The following DCP1B variants were observed in gnomAD, a reference collection of about 807,000 sequenced individuals.
DCP1B encodes mRNA-decapping enzyme 1B.
Under a neutral mutation model 60.5 loss-of-function variants are expected in DCP1B, and 47 were observed. The observed-to-expected ratio is 0.78, with a 90% CI of 0.61 to 0.99. The LOEUF (loss-of-function observed/expected upper bound fraction) is 0.99, where lower values mean the gene tolerates loss of function less well. DCP1B is among the 50% of genes least tolerant of loss of function. The pLI is 0.00. For missense variants in DCP1B, 725 were observed against 756.8 expected, an observed-to-expected ratio of 0.96 and a Z score of 0.49; for synonymous variants, 267 against 280.3, an observed-to-expected ratio of 0.95 and a Z score of 0.47.
In DCP1B at chr12:1,948,286, C is replaced by T. The variant is rs191285754; in HGVS notation, c.1773+800G>A. Among the ~76,000 whole-genome samples, 199 of 152,264 alleles carry T rather than the reference C, an allele frequency of 1.3e-3. 1 individual carries two copies. The highest frequency in any genetic ancestry group is 4.6e-3 in the African/African-American group (193 of 41,552). ...ACATTCATGTGGTGAACGTGGCCCACGGGAGAGTACGTGGGAAGTGGCACT... is the reference window on the plus strand; with the variant it reads ...ACATTCATGTGGTGAACGTGGCCCATGGGAGAGTACGTGGGAAGTGGCACT... On this transcript the variant is annotated intron_variant, in intron 8 of 8. Transcript: ENST00000280665. This position sits in a 1 kb window ranked among gnomAD's most constrained non-coding sequence, Gnocchi z 4.8.
In DCP1B at chr12:1,952,566, A is replaced by G; in HGVS notation, c.1374T>C (p.Ile458=). 6.2e-7 allele frequency: 1 copy of G among 1,614,132 alleles called. No homozygotes were observed. The highest frequency in any genetic ancestry group is 8.5e-7 in the Non-Finnish European group (1 of 1,180,024). The change falls in exon 7 of 9, where the codon ATT becomes ATC. Residue 458 remains isoleucine, a synonymous_variant. Transcript: ENST00000280665. ...CATGCAGCTGCTGCTCCTGCTGTAC[A>G]ATCTGAAGCTTCTTCAGTAACTCTT... The part of the protein sequence containing the change: ...SPQELLKKLQ[I]VQQEQQLHAS...
At chr12:1,964,430 A>C (rs2031227136) in intron 5 of DCP1B, among the ~76,000 whole-genome samples, 1 of 151,992 alleles carries the variant, frequency 6.6e-6, no homozygotes. Flanking sequence ...ACCTTGTAAA[A>C]TGTTTTTTAT....
At chr12:1,950,714 A>G (rs1204315385) in intron 7 of DCP1B, among the ~76,000 whole-genome samples, 1 of 152,166 alleles carries the variant, frequency 6.6e-6, no homozygotes. Context: ...TGGTGCAAAC[A>G]TGGCTGACTG....
Position 2,004,202 on chromosome 12 carries a change from G to C in DCP1B, c.150+80C>G, listed in dbSNP as rs1215668813. The C allele has an allele frequency of 3.8e-6, 6 of 1,564,408 alleles. No individual in the cohort carries two copies. In the East Asian group the frequency reaches 7.1e-5, roughly 19 times the overall value. ...GCGTCAACGTCTCCTCCCCCTCACC[G>C]GGTCCTCAAGTCCTGAGTCTGACGC... On this transcript the variant is annotated intron_variant, in intron 1 of 8. Transcript: ENST00000280665.
chr12:1,949,254 G>A lies in DCP1B; in HGVS notation c.1605C>T (p.Ser535=), dbSNP rs777412923. ...MSPMVFAQPT[S]VPPKERESGL... ...CGCTCTCCCTTTCCTTTGGCGGGAC[G>A]GAGGTGGGTTGTGCGAACACCATGG... The change falls in exon 8 of 9, where the codon TCC becomes TCT. Residue 535 remains serine, a synonymous_variant. Coordinates refer to ENST00000280665, the MANE Select transcript of DCP1B (RefSeq NM_152640.5). The A allele has an allele frequency of 8.7e-6, 14 of 1,614,048 alleles. No homozygotes were observed. The highest frequency in any genetic ancestry group is 5.3e-5 in the African/African-American group (4 of 74,922).
intron 8 of DCP1B, among the ~76,000 whole-genome samples, chr12:1,947,578 A>G (rs2030483599): frequency 6.6e-6 from 1 of 152,230 alleles, no homozygotes; most frequent in South Asian, 2.1e-4. Flanking sequence ...TCTCAAGACA[A>G]TGTGAAGGGA....
At chr12:2,004,061 T>G in intron 1 of DCP1B, 1 of 633,352 alleles carries the variant, frequency 1.6e-6, no homozygotes, top group Non-Finnish European at 2.7e-6. Flanking sequence ...ACGTTAGAGA[T>G]TTAAGTCTTT....
At chr12:1,992,254 T>C (rs1201546862) in intron 3 of DCP1B, 2 of 160,124 alleles carry the variant, frequency 1.2e-5, no homozygotes, top group African/African-American at 4.8e-5. Context: ...CTCATAAAAA[T>C]TTATTCTCTA....
chr12:1,952,562 G>C lies in DCP1B; in HGVS notation c.1378C>G (p.Gln460Glu), dbSNP rs1274128087. The C allele has an allele frequency of 6.2e-7, 1 of 1,614,198 alleles. No individual in the cohort carries two copies. Among genetic ancestry groups the C allele is most frequent in the African/African-American group, 1.3e-5 (1 of 75,048 alleles). ...GAGGCATGCAGCTGCTGCTCCTGCT[G>C]TACAATCTGAAGCTTCTTCAGTAAC... ...QELLKKLQIVQQEQQLHASNR... is the reference protein window; with the variant it reads ...QELLKKLQIVEQEQQLHASNR... The change falls in exon 7 of 9, where the codon CAG becomes GAG. Residue 460 changes from glutamine (Q) to glutamate (E), a missense_variant. Transcript: ENST00000280665.
chr12:1,993,421 C>A (rs2039976948), intron 2 of DCP1B, 30 bp from the exon 3 acceptor site: 3 of 1,600,958 alleles, frequency 1.9e-6, no homozygotes, highest in African/African-American at 2.7e-5. Context: ...AGGGGGAAAT[C>A]AATAGACAAA....
At chr12:2,001,025 G>A (rs938976530) in intron 1 of DCP1B, among the ~76,000 whole-genome samples, 4 of 138,792 alleles carry the variant, frequency 2.9e-5, no homozygotes, top group East Asian at 2.1e-4. Context: ...GAACAAGAGC[G>A]AGACTTCGTC....
At chr12:1,992,282 C>T (rs369370561) in intron 3 of DCP1B, 30 of 158,602 alleles carry the variant, frequency 1.9e-4, no homozygotes, top group Middle Eastern at 6.5e-3. Flanking sequence ...GGATAACCAC[C>T]TATTATGACA....
intron 4 of DCP1B, chr12:1,965,948 A>G (rs1392636731): frequency 2.5e-6 from 1 of 401,912 alleles, no homozygotes. Flanking sequence ...AAAGAAAGTC[A>G]CAAACACAGC....
At chr12:1,993,495 A>T (rs1380187199) in intron 2 of DCP1B, 104 bp from the exon 3 acceptor site, 1 of 1,432,046 alleles carries the variant, frequency 7.0e-7, no homozygotes, top group Non-Finnish European at 9.4e-7. Flanking sequence ...CTTTGTTTGT[A>T]TATGCAGCTT....
At position 1,990,540 on chromosome 12, in the gene DCP1B, AT is replaced by A. The variant is rs532736115; in HGVS notation, c.319+2723del. 5.1e-3 allele frequency among the ~76,000 whole-genome samples: 768 copies of A among 150,308 alleles called. 6 individuals carry two copies. Among genetic ancestry groups the A allele is most frequent in the African/African-American group, 0.017 (697 of 41,014 alleles). On this transcript the variant is annotated intron_variant, in intron 3 of 8. Coordinates refer to ENST00000280665, the MANE Select transcript of DCP1B (RefSeq NM_152640.5). ...TACATTCATCCAATTCAAGAAAGGG[AT>A]TTTTTTTTTCTCTCCTAATGAATCT...
chr12:2,004,132 T>G, intron 1 of DCP1B, 150 bp downstream of exon 1: 2 of 977,026 alleles, frequency 2.0e-6, no homozygotes, highest in Non-Finnish European at 1.5e-6. Flanking sequence ...CGAGACCCCA[T>G]CTCCACAACT....
At chr12:1,964,110 A>G (rs1176689520) in intron 5 of DCP1B, among the ~76,000 whole-genome samples, 2 of 152,194 alleles carry the variant, frequency 1.3e-5, no homozygotes, top group Non-Finnish European at 2.9e-5. Context: ...AATGTCTTGC[A>G]GTTCTTTTTG....
intron 3 of DCP1B, among the ~76,000 whole-genome samples, chr12:1,983,235 T>G (rs2036667918): frequency 6.6e-6 from 1 of 151,388 alleles, no homozygotes; most frequent in African/African-American, 2.4e-5. Context: ...GTTTTTTTGT[T>G]TTTTATCTCA....
intron 1 of DCP1B, 131 bp from the exon 2 acceptor site, chr12:1,998,106 T>G (rs1470654382): frequency 1.4e-6 from 1 of 697,252 alleles, no homozygotes; most frequent in African/African-American, 1.9e-5. Context: ...TGAGGAGTTA[T>G]TCTCAGGAAA....
Sources: gnomAD v4.1 joint callset for allele counts (sites outside exome capture counted in the v4.1 genomes callset) on GRCh38, gnomAD v4.1.1 for gene constraint, Gnocchi (gnomAD v3.1) non-coding constraint, MANE v1.5 for transcripts, NCBI Gene and HGNC (gene_info 2026-07-23, HGNC 2026-07-21) for gene names.